The following PCDHA12 variants were observed in gnomAD, a reference collection of about 807,000 sequenced individuals.
PCDHA12 encodes the protein protocadherin alpha-12.
PCDHA12 carries 44 observed loss-of-function variants against 60.0 expected under a neutral mutation model. The observed-to-expected ratio is 0.73, with a 90% CI of 0.58 to 0.94. The LOEUF (loss-of-function observed/expected upper bound fraction) is 0.94. Among genes scored for constraint, PCDHA12 ranks in the 40% least tolerant of loss-of-function variants. The pLI, the probability that PCDHA12 is intolerant of heterozygous loss-of-function variation, is 0.00. For synonymous variants in PCDHA12, 569 were observed against 553.0 expected (o/e 1.03, Z -0.40); for missense variants, 1,276 against 1,239.7 (o/e 1.03, Z -0.44).
intron 3 of PCDHA12, among the ~76,000 whole-genome samples, chr5:141,002,751 C>T (rs1204940300): frequency 3.9e-5 from 6 of 152,152 alleles, no homozygotes; most frequent in African/African-American, 1.4e-4. Context: ...CATCGACAAC[C>T]CTGTGATGTA....
At chr5:140,903,500 G>C (rs553764100) in intron 1 of PCDHA12, among the ~76,000 whole-genome samples, 5 of 152,184 alleles carry the variant, frequency 3.3e-5, no homozygotes, top group Non-Finnish European at 7.3e-5. Flanking sequence ...AGGTACCATA[G>C]ATAATAGTTC....
At chr5:140,884,938 G>A (rs2060412389) in intron 1 of PCDHA12, among the ~76,000 whole-genome samples, 1 of 152,106 alleles carries the variant, frequency 6.6e-6, no homozygotes, top group African/African-American at 2.4e-5. Context: ...TCTTGCAATT[G>A]AGCATTTACA....
At position 140,876,343 on chromosome 5, in the gene PCDHA12, T is replaced by A. The variant is rs1196276310; in HGVS notation, c.871T>A (p.Cys291Ser). ...IKMILPVSEK[C>S]MFSINPDTGE... The stretch of plus-strand genomic sequence containing the variant: ...AATGATTTTGCCAGTGAGTGAGAAA[T>A]GTATGTTTTCAATAAATCCAGACAC... Residue 291 changes from cysteine to serine, a missense_variant, in exon 1 of 4, where the codon TGT (cysteine) becomes AGT (serine). Physicochemically the swap from Cys to Ser is moderately radical, Grantham distance 112. Transcript: ENST00000398631. 1.2e-6 allele frequency: 2 copies of A among 1,613,854 alleles called. No individual in the cohort carries two copies. The highest frequency in any genetic ancestry group is 2.7e-5 in the African/African-American group (2 of 74,912).
rs782810123 is a variant in PCDHA12, at chr5:140,876,271, T to C, written c.799T>C (p.Ser267Pro). 1.9e-6 allele frequency: 3 copies of C among 1,613,926 alleles called. No individual in the cohort carries two copies. In the African/African-American group the frequency reaches 4.0e-5, roughly 22 times the overall value. The change falls in exon 1 of 4, where the codon TCC (serine) becomes CCC (proline). Residue 267 changes from serine to proline, a missense_variant. Coordinates refer to ENST00000398631, the MANE Select transcript of PCDHA12 (RefSeq NM_018903.4). ...NDTRVIQLNASDPDEGLNGEI... is the reference protein window; with the variant it reads ...NDTRVIQLNAPDPDEGLNGEI... ...CACAAGAGTGATCCAACTAAATGCTTCCGATCCAGACGAAGGACTTAATGG... is the reference window on the plus strand; with the variant it reads ...CACAAGAGTGATCCAACTAAATGCTCCCGATCCAGACGAAGGACTTAATGG...
Position 140,927,758 on chromosome 5 carries a change from A to C in PCDHA12, c.2367+49919A>C, listed in dbSNP as rs781942462. 3 of 1,614,170 alleles carry C rather than the reference A, an allele frequency of 1.9e-6. No individual in the cohort carries two copies. In the South Asian group the frequency reaches 3.3e-5, roughly 18 times the overall value. Reference sequence around the variant, plus strand: ...CGACACCGCTTTCACGTGCACCCTAAAAGTGGGGAGGTGCAAGTAGCTGCT... The same window carrying C: ...CGACACCGCTTTCACGTGCACCCTACAAGTGGGGAGGTGCAAGTAGCTGCT... On this transcript the variant is annotated intron_variant, in intron 1 of 3. Transcript: ENST00000398631.
At chr5:140,959,676 A>G (rs2095505288) in intron 1 of PCDHA12, among the ~76,000 whole-genome samples, 1 of 152,246 alleles carries the variant, frequency 6.6e-6, no homozygotes, top group Non-Finnish European at 1.5e-5. Flanking sequence ...AATCATTTCT[A>G]AATAATTTCA....
chr5:140,977,484 G>A (rs2096763384), intron 1 of PCDHA12, among the ~76,000 whole-genome samples: 1 of 152,220 alleles, frequency 6.6e-6, no homozygotes. Flanking sequence ...TTTATGCTAT[G>A]TTATATGGAA....
chr5:141,001,946 G>A (rs1554258360), intron 3 of PCDHA12, among the ~76,000 whole-genome samples: 4 of 147,266 alleles, frequency 2.7e-5, no homozygotes, highest in African/African-American at 1.1e-4. Flanking sequence ...CGGAAATAAG[G>A]AGGAGGGAGA....
In PCDHA12 at chr5:140,875,780, G is replaced by C; in HGVS notation, c.308G>C (p.Ser103Thr). 1.9e-6 allele frequency: 3 copies of C among 1,614,128 alleles called. No homozygotes were observed. The highest frequency in any genetic ancestry group is 3.3e-5 in the Admixed American group (2 of 60,008). The change falls in exon 1 of 4, where the codon AGT (serine) becomes ACT (threonine). Residue 103 changes from serine (S) to threonine (T), a missense_variant. Physicochemically the swap from Ser to Thr is moderately conservative, Grantham distance 58. Transcript: ENST00000398631. ...EKLCGRSAEC[S>T]IHLEVIVDRP... is the part of the protein sequence containing the mutation. ...CTGTGCGGGCGGAGCGCGGAGTGCA[G>C]TATCCACCTGGAGGTGATCGTGGAC...
chr5:140,946,561 T>C (rs1193170794), intron 1 of PCDHA12, among the ~76,000 whole-genome samples: 1 of 148,756 alleles, frequency 6.7e-6, no homozygotes, highest in Non-Finnish European at 1.5e-5. Context: ...AGTTCAGATA[T>C]AGAATCAACT....
At chr5:140,962,270 A>T (rs2095668540) in intron 1 of PCDHA12, among the ~76,000 whole-genome samples, 1 of 152,210 alleles carries the variant, frequency 6.6e-6, no homozygotes, top group African/African-American at 2.4e-5. Context: ...TTTATAATTT[A>T]AAAAACCTCA....
intron 1 of PCDHA12, among the ~76,000 whole-genome samples, chr5:140,958,893 A>G (rs1332305633): frequency 2.6e-5 from 4 of 152,002 alleles, no homozygotes; most frequent in African/African-American, 9.7e-5. Flanking sequence ...TAGCTATATA[A>G]TAGATACAGA....
At chr5:140,999,521 T>C (rs1554256849) in intron 3 of PCDHA12, among the ~76,000 whole-genome samples, 1 of 152,106 alleles carries the variant, frequency 6.6e-6, no homozygotes, top group Non-Finnish European at 1.5e-5. Flanking sequence ...AGCATTTTGT[T>C]ACCCCCTGGA....
At chr5:140,961,548 T>G (rs2095620507) in intron 1 of PCDHA12, among the ~76,000 whole-genome samples, 2 of 152,230 alleles carry the variant, frequency 1.3e-5, no homozygotes, top group Non-Finnish European at 2.9e-5. Flanking sequence ...CCTGCAGCAT[T>G]TCTTTTTTTA....
chr5:140,906,846 G>T (rs2072987315), intron 1 of PCDHA12, among the ~76,000 whole-genome samples: 1 of 152,186 alleles, frequency 6.6e-6, no homozygotes, highest in Non-Finnish European at 1.5e-5. Context: ...CATCTTGAGA[G>T]TCTGGGTCAG....
rs376660293 is a variant in PCDHA12 at position 141,011,766 on chromosome 5, A to C, written c.*1829A>C. ...ACCAATCTGACCTCTTTGAAGTTGCAGAATGCTTTGAAATTCTAATGGTAT... is the reference window on the plus strand; with the variant it reads ...ACCAATCTGACCTCTTTGAAGTTGCCGAATGCTTTGAAATTCTAATGGTAT... On this transcript the variant is annotated 3_prime_UTR_variant, in exon 4 of 4. Transcript: ENST00000398631. 2.6e-5 allele frequency: 4 copies of C among 153,796 alleles called. No homozygotes were observed. Among genetic ancestry groups the C allele is most frequent in the Non-Finnish European group, 5.9e-5 (4 of 68,044 alleles). 9.5% of individuals were successfully genotyped at this position (153,796 alleles called of 1,614,324 possible).
At position 140,982,568 on chromosome 5, in the gene PCDHA12, A is replaced by G. The variant is rs1158399397; in HGVS notation, c.2515+5A>G. 6.2e-7 allele frequency: 1 copy of G among 1,613,890 alleles called. No individual in the cohort carries two copies. The highest frequency in any genetic ancestry group is 8.5e-7 in the Non-Finnish European group (1 of 1,179,906). On this transcript the variant is annotated splice_donor_5th_base_variant and intron_variant, in intron 3 of 3. Coordinates refer to ENST00000398631, the MANE Select transcript of PCDHA12 (RefSeq NM_018903.4). ...CAGTATCCAGTGCAACACCAGGTAA[A>G]GAGCTGGGGTCTCTCCATTCTTTCT...
intron 1 of PCDHA12, among the ~76,000 whole-genome samples, chr5:140,943,498 A>T (rs2093507311): frequency 6.6e-6 from 1 of 152,164 alleles, no homozygotes; most frequent in Admixed American, 6.6e-5. Flanking sequence ...GATGCTATCA[A>T]GGTTCATGGA....
chr5:140,966,161 CT>C, intron 1 of PCDHA12: 1 of 175,442 alleles, frequency 5.7e-6, no homozygotes. Context: ...GCTTGGAGAT[CT>C]TTTCCTGGGG....
Sources: gnomAD v4.1 joint callset for allele counts (sites outside exome capture counted in the v4.1 genomes callset) on GRCh38, gnomAD v4.1.1 for gene constraint, MANE v1.5 for transcripts, NCBI Gene and HGNC (gene_info 2026-07-23, HGNC 2026-07-21) for gene names.